SAMD12: variants seen among roughly 807,000 people sequenced by gnomAD.
SAMD12 encodes sterile alpha motif domain-containing protein 12.
A neutral mutation model predicts 15.0 loss-of-function variants in SAMD12; 9 were observed. The ratio of observed to expected loss-of-function variants is 0.60; its 90% CI spans 0.36 to 1.05. SAMD12 has a LOEUF of 1.05. Ranked by LOEUF, SAMD12 falls within the 50% of genes least tolerant of loss-of-function variation. The probability of loss-of-function intolerance (pLI) is 0.01; values close to 1 mark genes in which losing one functional copy is unlikely to be tolerated. For synonymous variants in SAMD12, 86 were observed against 90.1 expected, an observed-to-expected ratio of 0.96 and a Z score of 0.25; for missense variants, 230 against 234.2, an observed-to-expected ratio of 0.98 and a Z score of 0.12.
chr8:118,135,329 A>G, the SAMD12 span, among the ~76,000 whole-genome samples: 1 of 150,872 alleles, frequency 6.6e-6, no homozygotes, highest in Admixed American at 6.6e-5. Context: ...TTACAGGCAT[A>G]TATCACCATG....
At chr8:118,201,742 A>G (rs1054456483) in intron 4 of SAMD12, among the ~76,000 whole-genome samples, 2 of 152,226 alleles carry the variant, frequency 1.3e-5, no homozygotes, top group Non-Finnish European at 2.9e-5. Context: ...CTGCTTTATC[A>G]ACTACTTACT....
At position 118,275,525 on chromosome 8, in the gene SAMD12, C is replaced by G. The variant is rs1379861392; in HGVS notation, c.434-77793G>C. 2.6e-5 allele frequency among the ~76,000 whole-genome samples: 4 copies of G among 152,290 alleles called. No individual in the cohort carries two copies. In the South Asian group the frequency reaches 8.3e-4, roughly 32 times the overall value. The stretch of plus-strand genomic sequence containing the variant: ...AATGGAATACTTGATAAAACTCACT[C>G]ACATGCAAAAATCTGCTTTTTTAAA... On this transcript the variant is annotated intron_variant, in intron 4 of 4. Coordinates refer to the SAMD12 transcript ENST00000409003.
chr8:118,156,865 C>A, the SAMD12 span, among the ~76,000 whole-genome samples: 1 of 151,800 alleles, frequency 6.6e-6, no homozygotes, highest in South Asian at 2.1e-4. Flanking sequence ...ATGCTCTTTG[C>A]AGTTATCAAT....
chr8:118,580,033 C>T (rs2131256620), intron 2 of SAMD12, among the ~76,000 whole-genome samples: 1 of 152,226 alleles, frequency 6.6e-6, no homozygotes, highest in South Asian at 2.1e-4. Context: ...TTCTCTGTTA[C>T]CTATGTTTAG....
At chr8:118,279,140 T>A (rs1813546007) in intron 4 of SAMD12, among the ~76,000 whole-genome samples, 1 of 152,194 alleles carries the variant, frequency 6.6e-6, no homozygotes, top group African/African-American at 2.4e-5. Context: ...GGTCTGGGGC[T>A]GCTTCAGCCT....
intron 4 of SAMD12, among the ~76,000 whole-genome samples, chr8:118,238,595 T>C (rs1048830283): frequency 1.3e-5 from 2 of 152,154 alleles, no homozygotes; most frequent in Non-Finnish European, 2.9e-5. Flanking sequence ...AGTGAAGCTA[T>C]AGACATAAAT....
chr8:118,610,650 T>C (rs1299258091), intron 1 of SAMD12, among the ~76,000 whole-genome samples: 2 of 152,184 alleles, frequency 1.3e-5, no homozygotes, highest in African/African-American at 2.4e-5. Flanking sequence ...ACTCAACAAA[T>C]AGTCGAGTGC....
At chr8:118,142,279 A>G in the SAMD12 span, among the ~76,000 whole-genome samples, 1 of 152,218 alleles carries the variant, frequency 6.6e-6, no homozygotes, top group Admixed American at 6.5e-5. Flanking sequence ...TTAAGAATCA[A>G]TCTCAGCATT....
chr8:118,576,314 T>A (rs556883836), intron 2 of SAMD12, among the ~76,000 whole-genome samples: 46 of 152,318 alleles, frequency 3.0e-4, no homozygotes, highest in African/African-American at 1.1e-3. Flanking sequence ...GTGGCTATTG[T>A]ATTGAACAAT....
chr8:118,365,650 G>A (rs765347580), intron 4 of SAMD12, among the ~76,000 whole-genome samples: 20 of 151,934 alleles, frequency 1.3e-4, no homozygotes, highest in Non-Finnish European at 2.5e-4. Flanking sequence ...ATGGCAGATC[G>A]TGGGACTTCT....
chr8:118,222,806 A>C (rs1288903920), intron 4 of SAMD12, among the ~76,000 whole-genome samples: 1 of 152,122 alleles, frequency 6.6e-6, no homozygotes, highest in Non-Finnish European at 1.5e-5. Flanking sequence ...CACCCGGCCG[A>C]GGAAGTGCAT....
intron 4 of SAMD12, among the ~76,000 whole-genome samples, chr8:118,216,658 G>GA (rs1811967353): frequency 6.6e-6 from 1 of 152,146 alleles, no homozygotes; most frequent in East Asian, 1.9e-4. Context: ...TGAAGAAACA[G>GA]AAAAAATACA....
intron 4 of SAMD12, among the ~76,000 whole-genome samples, chr8:118,212,566 A>G (rs945613639): frequency 2.6e-5 from 4 of 152,240 alleles, no homozygotes; most frequent in African/African-American, 9.6e-5. Context: ...TATTTGAGGT[A>G]GTGCAAAGCT....
chr8:118,406,052 A>C (rs144483419), intron 3 of SAMD12, among the ~76,000 whole-genome samples: 5 of 152,260 alleles, frequency 3.3e-5, no homozygotes, highest in African/African-American at 1.2e-4. Context: ...ATGTTGGTTT[A>C]ACCAGGTTAT....
chr8:118,550,685 C>A (rs1487458833), intron 2 of SAMD12, among the ~76,000 whole-genome samples: 1 of 151,750 alleles, frequency 6.6e-6, no homozygotes, highest in Admixed American at 6.6e-5. Context: ...ACAATATTAA[C>A]TTTAAATGTA....
At chr8:118,369,173 C>T (rs984698286) in intron 4 of SAMD12, among the ~76,000 whole-genome samples, 1 of 152,122 alleles carries the variant, frequency 6.6e-6, no homozygotes, top group African/African-American at 2.4e-5. Flanking sequence ...TTAGTCTGAA[C>T]AAAGTGCTAA....
intron 4 of SAMD12, among the ~76,000 whole-genome samples, chr8:118,265,183 T>C (rs1052041859): frequency 1.3e-5 from 2 of 152,124 alleles, no homozygotes; most frequent in African/African-American, 4.8e-5. Flanking sequence ...GGCTAATTGG[T>C]AAAGCAATAT....
chr8:118,396,732 T>C (rs1302367044), intron 3 of SAMD12, among the ~76,000 whole-genome samples: 3 of 152,238 alleles, frequency 2.0e-5, no homozygotes, highest in Non-Finnish European at 4.4e-5. Context: ...AGCATTCATT[T>C]AATAAACCAT....
intron 4 of SAMD12, among the ~76,000 whole-genome samples, chr8:118,365,270 G>A (rs1818707699): frequency 6.6e-6 from 1 of 152,132 alleles, no homozygotes; most frequent in African/African-American, 2.4e-5. Flanking sequence ...AACTTTATGT[G>A]TCAACTTGAC....
Sources: gnomAD v4.1 joint callset for allele counts (sites outside exome capture counted in the v4.1 genomes callset) on GRCh38, gnomAD v4.1.1 for gene constraint, MANE v1.5 for transcripts, NCBI Gene and HGNC (gene_info 2026-07-23, HGNC 2026-07-21) for gene names.